Variants in RNF180 observed in about 807,000 individuals in gnomAD.
RNF180 encodes E3 ubiquitin-protein ligase RNF180.
A neutral mutation model predicts 59.2 loss-of-function variants in RNF180; 38 were observed. The observed-to-expected ratio is 0.64, with a 90% CI of 0.50 to 0.84. RNF180 has a LOEUF of 0.84. Among genes scored for constraint, RNF180 ranks in the 40% least tolerant of loss-of-function variants. The probability of loss-of-function intolerance (pLI) is 0.00; values close to 1 mark genes in which losing one functional copy is unlikely to be tolerated. For missense variants in RNF180, 705 were observed against 700.9 expected, an observed-to-expected ratio of 1.01 and a Z score of -0.07; for synonymous variants, 262 against 240.3, an observed-to-expected ratio of 1.09 and a Z score of -0.84.
intron 2 of RNF180, among the ~76,000 whole-genome samples, chr5:64,207,822 G>C (rs1041965648): frequency 6.6e-6 from 1 of 152,062 alleles, no homozygotes; most frequent in Non-Finnish European, 1.5e-5. Context: ...TGACACTTTA[G>C]ACAATTAATA....
chr5:64,328,310 T>C (rs1016368189), intron 6 of RNF180, among the ~76,000 whole-genome samples: 1 of 152,234 alleles, frequency 6.6e-6, no homozygotes, highest in Non-Finnish European at 1.5e-5. Context: ...TGTTATTTGA[T>C]AACTTCTTTC....
At chr5:64,203,772 A>G (rs1007600560) in intron 2 of RNF180, among the ~76,000 whole-genome samples, 1 of 152,116 alleles carries the variant, frequency 6.6e-6, no homozygotes, top group Non-Finnish European at 1.5e-5. Flanking sequence ...TTCTAAAGTA[A>G]TGTTAATGTT....
intron 5 of RNF180, among the ~76,000 whole-genome samples, chr5:64,268,373 CT>C (rs992233752): frequency 6.6e-6 from 1 of 151,920 alleles, no homozygotes; most frequent in African/African-American, 2.4e-5. Context: ...GTCTTTTCTC[CT>C]TTTTTTAGTG....
At chr5:64,173,314 G>C (rs1750043851) in intron 1 of RNF180, among the ~76,000 whole-genome samples, 2 of 152,036 alleles carry the variant, frequency 1.3e-5, no homozygotes, top group South Asian at 4.2e-4. Flanking sequence ...TTTGTAAATA[G>C]CCATTTAATT....
intron 5 of RNF180, among the ~76,000 whole-genome samples, chr5:64,280,057 A>G (rs1741930942): frequency 6.6e-6 from 1 of 152,132 alleles, no homozygotes; most frequent in Admixed American, 6.6e-5. Context: ...GTGGTTTTTG[A>G]TTTGTACTTA....
At chr5:64,285,915 C>A (rs1020138395) in intron 5 of RNF180, among the ~76,000 whole-genome samples, 2 of 152,258 alleles carry the variant, frequency 1.3e-5, no homozygotes, top group South Asian at 4.2e-4. Flanking sequence ...CTAAGCAGCT[C>A]TCCCTGCCAG....
At chr5:64,250,749 G>C (rs1364948284) in intron 5 of RNF180, among the ~76,000 whole-genome samples, 1 of 152,098 alleles carries the variant, frequency 6.6e-6, no homozygotes, top group South Asian at 2.1e-4. Flanking sequence ...AGGACCTGAT[G>C]GCTTCACTGC....
intron 2 of RNF180, among the ~76,000 whole-genome samples, chr5:64,203,490 A>C (rs1054546266): frequency 6.6e-6 from 1 of 152,134 alleles, no homozygotes; most frequent in South Asian, 2.1e-4. Flanking sequence ...TCCCATCCCC[A>C]GGCAACATAC....
At chr5:64,240,739 G>T (rs1296827050) in intron 5 of RNF180, among the ~76,000 whole-genome samples, 1 of 152,138 alleles carries the variant, frequency 6.6e-6, no homozygotes, top group African/African-American at 2.4e-5. Flanking sequence ...CTTCTGCCTG[G>T]AAGGCTCTGC....
intron 1 of RNF180, among the ~76,000 whole-genome samples, chr5:64,180,024 C>A (rs555943351): frequency 2.0e-5 from 3 of 152,274 alleles, no homozygotes; most frequent in African/African-American, 7.2e-5. Flanking sequence ...GGCCATTTGG[C>A]TTTCCTCCTC....
At chr5:64,302,170 T>A (rs1446157889) in intron 5 of RNF180, among the ~76,000 whole-genome samples, 2 of 151,442 alleles carry the variant, frequency 1.3e-5, no homozygotes, top group African/African-American at 4.8e-5. Context: ...GCCCCACATA[T>A]ACCCAATATA....
At chr5:64,225,434 T>A (rs1490674331) in intron 5 of RNF180, among the ~76,000 whole-genome samples, 1 of 143,182 alleles carries the variant, frequency 7.0e-6, no homozygotes, top group African/African-American at 2.6e-5. Context: ...GAGGAGCGCC[T>A]CTGCCCAGCC....
At chr5:64,355,782 CCATT>C (rs1745994020) in intron 7 of RNF180, among the ~76,000 whole-genome samples, 1 of 151,822 alleles carries the variant, frequency 6.6e-6, no homozygotes, top group Non-Finnish European at 1.5e-5. Context: ...CTAATGAAGT[CCATT>C]CATCTGGGAA....
chr5:64,179,926 C>T (rs1010327966), intron 1 of RNF180, among the ~76,000 whole-genome samples: 7 of 152,178 alleles, frequency 4.6e-5, no homozygotes, highest in Admixed American at 2.6e-4. Context: ...TTTAATTTTT[C>T]CCAGTGTGAT....
At chr5:64,238,195 G>A (rs1319819248) in intron 5 of RNF180, among the ~76,000 whole-genome samples, 1 of 152,062 alleles carries the variant, frequency 6.6e-6, no homozygotes, top group Non-Finnish European at 1.5e-5. Context: ...AGGCTGTATA[G>A]TACCCATTAT....
chr5:64,294,347 C>T (rs1218617943), intron 5 of RNF180, among the ~76,000 whole-genome samples: 1 of 151,676 alleles, frequency 6.6e-6, no homozygotes, highest in Non-Finnish European at 1.5e-5. Context: ...TCTCATTTGC[C>T]CCATAAATAT....
At chr5:64,302,702 AG>A (rs1254115316) in intron 5 of RNF180, among the ~76,000 whole-genome samples, 1 of 151,768 alleles carries the variant, frequency 6.6e-6, no homozygotes, top group African/African-American at 2.4e-5. Context: ...ATCTTTCTTT[AG>A]ACTTAATTGC....
At chr5:64,241,370 AT>A (rs551608438) in intron 5 of RNF180, among the ~76,000 whole-genome samples, 440 of 152,318 alleles carry the variant, frequency 2.9e-3, no homozygotes, top group Non-Finnish European at 4.1e-3. Flanking sequence ...GCTTTCTCTT[AT>A]GTACAAAAGG....
chr5:64,208,171 G>C (rs1752119191), intron 2 of RNF180, among the ~76,000 whole-genome samples: 1 of 151,820 alleles, frequency 6.6e-6, no homozygotes, highest in South Asian at 2.1e-4. Context: ...TAATACATTG[G>C]CTCCCTCTGC....
Sources: allele counts gnomAD v4.1 joint callset (sites outside exome capture counted in the v4.1 genomes callset), GRCh38; gene constraint gnomAD v4.1.1; transcripts MANE v1.5; gene names NCBI Gene and HGNC (gene_info 2026-07-23, HGNC 2026-07-21).